Variants in EIF1AY observed in about 807,000 individuals in gnomAD.
EIF1AY encodes eukaryotic translation initiation factor 1A, Y-chromosomal.
For synonymous variants in EIF1AY, 16 were observed against 9.9 expected, an observed-to-expected ratio of 1.62 and a Z score of -1.16; for missense variants, 19 against 30.6, an observed-to-expected ratio of 0.62 and a Z score of 0.89.
intron 1 of EIF1AY, among the ~76,000 whole-genome samples, chrY:20,578,359 A>G (rs2089348181): frequency 3.0e-5 from 1 of 33,489 alleles, no homozygotes; most frequent in Admixed American, 2.7e-4. Context: ...TGAGATTGCT[A>G]AAGTTGTCAT....
At chrY:20,586,132 G>A in intron 4 of EIF1AY, among the ~76,000 whole-genome samples, 1 of 32,737 alleles carries the variant, frequency 3.1e-5, no homozygotes, top group Non-Finnish European at 7.5e-5. Context: ...TTGCTGTGCA[G>A]GATCTCAAGT....
chrY:20,583,317 T>C (rs1027193533), intron 3 of EIF1AY, among the ~76,000 whole-genome samples: 2 of 30,823 alleles, frequency 6.5e-5, no homozygotes, highest in Admixed American at 3.1e-4. Context: ...AAGGTTCCCA[T>C]GAGCTAAAAA....
Sources: allele counts gnomAD v4.1 joint callset (sites outside exome capture counted in the v4.1 genomes callset), GRCh38; gene constraint gnomAD v4.1.1; transcripts MANE v1.5; gene names NCBI Gene and HGNC (gene_info 2026-07-23, HGNC 2026-07-21).